The following PSMD1 variants were observed in gnomAD, a reference collection of about 807,000 sequenced individuals.
PSMD1 encodes proteasome 26S subunit, non-ATPase 1.
Under a neutral mutation model 119.0 loss-of-function variants are expected in PSMD1, and 18 were observed. The observed-to-expected ratio is 0.15, with a 90% CI of 0.10 to 0.22. PSMD1 has a LOEUF of 0.22. PSMD1 is among the 10% of genes least tolerant of loss of function. PSMD1 has a pLI of 1.00. For synonymous variants in PSMD1, 374 were observed against 396.6 expected (o/e 0.94, Z 0.68); for missense variants, 702 against 1,158.5 (o/e 0.61, Z 5.72).
chr2:231,147,903 A>ATT lies in PSMD1; in HGVS notation c.2115+1548_2115+1549dup, dbSNP rs56753036. ...GAGAAAAGAAAAATTTCCGGAACTC[A>ATT]TTGATTATTCTAATTTTATGGAGCT... On this transcript the variant is annotated intron_variant, in intron 18 of 24. Transcript: ENST00000308696. Among the ~76,000 whole-genome samples, 638 of 152,330 alleles carry ATT rather than the reference A, an allele frequency of 4.2e-3. 6 individuals are homozygous for ATT. The highest frequency in any genetic ancestry group is 0.015 in the African/African-American group (619 of 41,578).
intron 19 of PSMD1, among the ~76,000 whole-genome samples, chr2:231,160,618 G>A (rs987225895): frequency 6.6e-6 from 1 of 152,156 alleles, no homozygotes; most frequent in Non-Finnish European, 1.5e-5. Flanking sequence ...CTGCTATGGT[G>A]TGCAAAAAGT....
intron 16 of PSMD1, among the ~76,000 whole-genome samples, chr2:231,105,086 G>A (rs990737347): frequency 2.0e-5 from 3 of 152,078 alleles, no homozygotes; most frequent in African/African-American, 7.2e-5. Flanking sequence ...AGATAAAATT[G>A]TCTTTGTGTA....
chr2:231,125,953 G>A (rs765458), intron 16 of PSMD1, among the ~76,000 whole-genome samples: 74,470 of 152,050 alleles, frequency 0.49, 21,710 homozygotes, highest in African/African-American at 0.81. Context: ...TTTTAGCTCT[G>A]CTGAGCACTT....
rs771795949 is a variant in PSMD1, at chr2:231,123,753, A to C, written c.1884-14983A>C. ...TGCTTTGAAGTTCAGACACTCTGTA[A>C]GAGAGAGCCATTTGCTGTTTTTCTG... On this transcript the variant is annotated intron_variant, in intron 16 of 24. Transcript: ENST00000308696. 4 of 1,613,452 alleles carry C rather than the reference A, an allele frequency of 2.5e-6. No homozygotes were observed. The East Asian group carries it at 8.9e-5, about 36-fold the overall frequency.
At chr2:231,126,769 T>G (rs1695730131) in intron 16 of PSMD1, among the ~76,000 whole-genome samples, 1 of 152,200 alleles carries the variant, frequency 6.6e-6, no homozygotes, top group Non-Finnish European at 1.5e-5. Flanking sequence ...TGATTTTTTT[T>G]ATTTTTGCTT....
chr2:231,141,272 C>G (rs1025113895), intron 17 of PSMD1, among the ~76,000 whole-genome samples: 1 of 151,550 alleles, frequency 6.6e-6, no homozygotes, highest in African/African-American at 2.4e-5. Flanking sequence ...TGCACTCCAG[C>G]CTGGGCGACA....
At chr2:231,160,078 C>G (rs959027462) in intron 19 of PSMD1, among the ~76,000 whole-genome samples, 1 of 152,202 alleles carries the variant, frequency 6.6e-6, no homozygotes, top group Non-Finnish European at 1.5e-5. Flanking sequence ...TTGGGGACCC[C>G]TGGTTCCAGG....
At position 231,142,071 on chromosome 2, in the gene PSMD1, C is replaced by T. The variant is rs1417666714; in HGVS notation, c.1998+3221C>T. On this transcript the variant is annotated intron_variant, in intron 17 of 24. Coordinates refer to ENST00000308696, the MANE Select transcript of PSMD1 (RefSeq NM_002807.4). ...CTAATTTTTATATTTTTAGTAGAGG[C>T]GGGGTTTCACCATGTTGGCCAGGCT... Among the ~76,000 whole-genome samples, 4 of 151,920 alleles carry T rather than the reference C, an allele frequency of 2.6e-5. No individual in the cohort carries two copies. The East Asian group carries it at 5.8e-4, about 22-fold the overall frequency.
At chr2:231,112,659 T>C (rs1267261778) in intron 16 of PSMD1, among the ~76,000 whole-genome samples, 6 of 152,198 alleles carry the variant, frequency 3.9e-5, no homozygotes, top group Non-Finnish European at 5.9e-5. Flanking sequence ...GGTCAAACCA[T>C]TGTAATTTTT....
intron 19 of PSMD1, 77 bp downstream of exon 19, chr2:231,153,743 A>G (rs1208347328): frequency 9.6e-7 from 1 of 1,046,210 alleles, no homozygotes; most frequent in African/African-American, 1.6e-5. Flanking sequence ...TAACTATATG[A>G]CATAATGGAA....
chr2:231,154,594 A>G (rs1375589508), intron 19 of PSMD1, among the ~76,000 whole-genome samples: 1 of 152,172 alleles, frequency 6.6e-6, no homozygotes, highest in East Asian at 1.9e-4. Context: ...CAGCCTCCCA[A>G]GTAGCTGAGA....
chr2:231,141,331 C>G (rs970890883), intron 17 of PSMD1, among the ~76,000 whole-genome samples: 1 of 150,894 alleles, frequency 6.6e-6, no homozygotes, highest in Admixed American at 6.6e-5. Flanking sequence ...CTATTTTTCA[C>G]TACACATGGC....
rs929980802 is a variant in PSMD1, at chr2:231,147,895, C to T, written c.2115+1539C>T. Among the ~76,000 whole-genome samples, 34 of 152,204 alleles carry T rather than the reference C, an allele frequency of 2.2e-4. 1 individual carries two copies. The highest frequency in any genetic ancestry group is 6.7e-4 in the African/African-American group (28 of 41,514). Reference sequence around the variant, plus strand: ...AGGAGGTAGAGAAAAGAAAAATTTCCGGAACTCATTGATTATTCTAATTTT... The same window carrying T: ...AGGAGGTAGAGAAAAGAAAAATTTCTGGAACTCATTGATTATTCTAATTTT... On this transcript the variant is annotated intron_variant, in intron 18 of 24. Coordinates refer to ENST00000308696, the MANE Select transcript of PSMD1 (RefSeq NM_002807.4).
At chr2:231,153,836 G>A (rs1304569307) in intron 19 of PSMD1, among the ~76,000 whole-genome samples, 170 bp downstream of exon 19, 9 of 152,266 alleles carry the variant, frequency 5.9e-5, no homozygotes, top group African/African-American at 1.4e-4. Flanking sequence ...AGTACAGGCC[G>A]GGCGCAATGG....
chr2:231,081,124 G>C (rs556775142), intron 12 of PSMD1, among the ~76,000 whole-genome samples: 32 of 137,618 alleles, frequency 2.3e-4, no homozygotes, highest in Non-Finnish European at 3.8e-4. Flanking sequence ...CAGCCTGGGC[G>C]ACAAGACAGA....
In PSMD1 at chr2:231,062,334, T is replaced by G; in HGVS notation, c.134+13T>G. On this transcript the variant is annotated intron_variant, in intron 3 of 24. Transcript: ENST00000308696. Reference sequence around the variant, plus strand: ...CCGTAGACAAAATGTAAGAAATTATTTTTATAAATCAGAATAAGATGGATC... The same window carrying G: ...CCGTAGACAAAATGTAAGAAATTATGTTTATAAATCAGAATAAGATGGATC... 1 of 1,588,004 alleles carries G rather than the reference T, an allele frequency of 6.3e-7. No individual in the cohort carries two copies. The highest frequency in any genetic ancestry group is 8.6e-7 in the Non-Finnish European group (1 of 1,157,646).
At chr2:231,075,700 C>A in intron 8 of PSMD1, 129 bp downstream of exon 8, 1 of 744,108 alleles carries the variant, frequency 1.3e-6, no homozygotes, top group Non-Finnish European at 2.1e-6. Flanking sequence ...CCACCTTAGC[C>A]TCCCAAGTAA....
intron 16 of PSMD1, chr2:231,113,747 C>G (rs1468503747): frequency 6.2e-7 from 1 of 1,613,974 alleles, no homozygotes; most frequent in Non-Finnish European, 8.5e-7. Context: ...ATTAACCACA[C>G]CACTGTAATC....
chr2:231,152,054 T>C (rs1030211269), intron 18 of PSMD1, among the ~76,000 whole-genome samples: 3 of 152,136 alleles, frequency 2.0e-5, no homozygotes, highest in Non-Finnish European at 4.4e-5. Context: ...CCTCAGGTGA[T>C]TCACCTGCCT....
Sources: allele counts gnomAD v4.1 joint callset (sites outside exome capture counted in the v4.1 genomes callset), GRCh38; gene constraint gnomAD v4.1.1; transcripts MANE v1.5; gene names NCBI Gene and HGNC (gene_info 2026-07-23, HGNC 2026-07-21).